ATXN1: variants seen among roughly 807,000 people sequenced by gnomAD.
ATXN1 encodes ataxin-1.
ATXN1 carries 8 observed loss-of-function variants against 56.4 expected under a neutral mutation model. That is an observed-to-expected ratio of 0.14 (90% CI 0.08 to 0.26). The LOEUF is 0.26. Among genes scored for constraint, ATXN1 ranks in the 10% least tolerant of loss-of-function variants. The pLI, the probability that ATXN1 is intolerant of heterozygous loss-of-function variation, is 1.00. For synonymous variants in ATXN1, 514 were observed against 494.6 expected (o/e 1.04, Z -0.52); for missense variants, 987 against 1,106.5 (o/e 0.89, Z 1.53).
chr6:16,465,595 G>C (rs919146699), intron 6 of ATXN1, among the ~76,000 whole-genome samples: 1 of 152,156 alleles, frequency 6.6e-6, no homozygotes, highest in Admixed American at 6.5e-5. Flanking sequence ...TGGGGATGAG[G>C]GCAAGGGCAG....
At chr6:16,381,020 G>A (rs952046787) in intron 6 of ATXN1, among the ~76,000 whole-genome samples, 2 of 152,162 alleles carry the variant, frequency 1.3e-5, no homozygotes, top group African/African-American at 4.8e-5. Context: ...GGCTGGGCGC[G>A]GTGGCTCACG....
intron 6 of ATXN1, among the ~76,000 whole-genome samples, chr6:16,451,176 T>C (rs567821188): frequency 6.6e-6 from 1 of 152,258 alleles, no homozygotes; most frequent in Admixed American, 6.5e-5. Context: ...GGATTGAAAA[T>C]AGTATAACTG....
chr6:16,677,409 C>A (rs987081363), intron 2 of ATXN1, among the ~76,000 whole-genome samples: 4 of 152,108 alleles, frequency 2.6e-5, no homozygotes, highest in African/African-American at 9.7e-5. Flanking sequence ...TATGCTACTG[C>A]GTTTATCTAA....
intron 6 of ATXN1, among the ~76,000 whole-genome samples, chr6:16,405,034 T>C (rs1210356501): frequency 6.6e-6 from 1 of 152,236 alleles, no homozygotes; most frequent in African/African-American, 2.4e-5. Context: ...GACTTTCTCA[T>C]TTGGGTCTCT....
intron 5 of ATXN1, among the ~76,000 whole-genome samples, chr6:16,500,732 T>A (rs1262125394): frequency 1.4e-5 from 2 of 138,476 alleles, no homozygotes; most frequent in Non-Finnish European, 3.0e-5. Context: ...AATATCTTCA[T>A]TATGATAAAA....
Position 16,301,863 on chromosome 6 carries a change from T to C in ATXN1, c.*4466A>G, listed in dbSNP as rs781552044. The stretch of plus-strand genomic sequence containing the variant: ...CACGGTATTAGTGTCTTCAAAAGCA[T>C]TGGAGATTTTTCTCTCTATGAAAGA... On this transcript the variant is annotated 3_prime_UTR_variant, in exon 8 of 8. Transcript: ENST00000436367. 6 of 152,756 alleles carry C rather than the reference T, an allele frequency of 3.9e-5. No individual in the cohort carries two copies. The highest frequency in any genetic ancestry group is 2.0e-4 in the Admixed American group (3 of 15,290). The allele number at this position is 152,756 out of a possible 1,614,324, so 9.5% of individuals were successfully genotyped here.
intron 5 of ATXN1, among the ~76,000 whole-genome samples, chr6:16,509,329 C>G (rs1761036781): frequency 6.6e-6 from 1 of 152,186 alleles, no homozygotes; most frequent in Non-Finnish European, 1.5e-5. Flanking sequence ...TTCTTGCCAT[C>G]CTTTTAATGT....
chr6:16,354,606 T>C (rs1761646058), intron 6 of ATXN1, among the ~76,000 whole-genome samples: 1 of 152,202 alleles, frequency 6.6e-6, no homozygotes, highest in Admixed American at 6.5e-5. Context: ...AAACCAAGCT[T>C]TTCCCAGAAA....
At chr6:16,663,987 C>T (rs1208414445) in intron 2 of ATXN1, among the ~76,000 whole-genome samples, 1 of 152,072 alleles carries the variant, frequency 6.6e-6, no homozygotes, top group African/African-American at 2.4e-5. Flanking sequence ...TTTCTGTTAC[C>T]CAAAGTGACT....
At chr6:16,688,702 G>C (rs1403216692) in intron 2 of ATXN1, among the ~76,000 whole-genome samples, 1 of 152,110 alleles carries the variant, frequency 6.6e-6, no homozygotes, top group East Asian at 1.9e-4. Context: ...AAAATATTCT[G>C]GGTGACATCC....
At chr6:16,443,494 G>A (rs1369794535) in intron 6 of ATXN1, among the ~76,000 whole-genome samples, 1 of 152,158 alleles carries the variant, frequency 6.6e-6, no homozygotes, top group Non-Finnish European at 1.5e-5. Context: ...CACACAGACT[G>A]TAACTATTCC....
At chr6:16,456,282 G>A (rs1759871628) in intron 6 of ATXN1, among the ~76,000 whole-genome samples, 1 of 152,120 alleles carries the variant, frequency 6.6e-6, no homozygotes, top group Non-Finnish European at 1.5e-5. Flanking sequence ...ATTGCAACGT[G>A]GTGAGTACCA....
intron 7 of ATXN1, among the ~76,000 whole-genome samples, chr6:16,322,102 T>C (rs750155140): frequency 6.6e-6 from 1 of 152,058 alleles, no homozygotes; most frequent in Admixed American, 6.5e-5. Context: ...TACACACCCA[T>C]AGTCCCAGCT....
intron 2 of ATXN1, among the ~76,000 whole-genome samples, chr6:16,662,201 C>T (rs1396510573): frequency 6.6e-6 from 1 of 152,220 alleles, no homozygotes; most frequent in Non-Finnish European, 1.5e-5. Flanking sequence ...TTAATCCCTG[C>T]ATCACACTAC....
chr6:16,508,314 G>A (rs12200687), intron 5 of ATXN1, among the ~76,000 whole-genome samples: 6,856 of 152,246 alleles, frequency 0.045, 315 homozygotes, highest in South Asian at 0.16. Context: ...GAAGAAAGCA[G>A]TATGTCTAAA....
At position 16,308,250 on chromosome 6, in the gene ATXN1, C is replaced by T. The variant is rs143691277; in HGVS notation, c.1918-1391G>A. ...CTGAGGCAAGAGAATCGCTTGAACC[C>T]GGGAGGCGGAGGCTGCAGTGAACCG... On this transcript the variant is annotated intron_variant, in intron 7 of 7. Transcript: ENST00000436367. Among the ~76,000 whole-genome samples the T allele has an allele frequency of 3.9e-3, 589 of 151,876 alleles. 8 individuals carry two copies. The highest frequency in any genetic ancestry group is 0.014 in the African/African-American group (560 of 41,422).
chr6:16,454,103 C>T (rs1340322911), intron 6 of ATXN1, among the ~76,000 whole-genome samples: 1 of 107,884 alleles, frequency 9.3e-6, no homozygotes, highest in South Asian at 3.1e-4. Flanking sequence ...CCAGCCTGGG[C>T]AATAAGAGCG....
At chr6:16,613,222 G>A (rs1452019017) in intron 3 of ATXN1, among the ~76,000 whole-genome samples, 2 of 135,184 alleles carry the variant, frequency 1.5e-5, no homozygotes, top group African/African-American at 2.8e-5. Context: ...CCGAGATTGT[G>A]CCACTGCAGT....
rs371876456 is a variant in ATXN1 at position 16,735,726 on chromosome 6, C to T, written c.-615+17507G>A. 6.6e-5 allele frequency among the ~76,000 whole-genome samples: 10 copies of T among 152,190 alleles called. No homozygotes were observed. In the East Asian group the frequency reaches 1.4e-3, roughly 21 times the overall value. On this transcript the variant is annotated intron_variant, in intron 2 of 7. Coordinates refer to ENST00000436367, the MANE Select transcript of ATXN1 (RefSeq NM_001128164.2). ...ATATCTTACATTGACAAAGAATAAT[C>T]ATTAGGAAGATCCACTTAACTCTTT... is the stretch of plus-strand genomic sequence containing the variant.
Sources: gnomAD v4.1 joint callset for allele counts (sites outside exome capture counted in the v4.1 genomes callset) on GRCh38, gnomAD v4.1.1 for gene constraint, MANE v1.5 for transcripts, NCBI Gene and HGNC (gene_info 2026-07-23, HGNC 2026-07-21) for gene names.